Variants in DMD observed in about 807,000 individuals in gnomAD.
DMD encodes mutant dystrophin.
A neutral mutation model predicts 330.1 loss-of-function variants in DMD; 63 were observed. That is an observed-to-expected ratio of 0.19 (90% CI 0.16 to 0.24). The LOEUF is 0.24. Ranked by LOEUF, DMD falls within the 10% of genes least tolerant of loss-of-function variation. The probability of loss-of-function intolerance (pLI) is 1.00; values close to 1 mark genes in which losing one functional copy is unlikely to be tolerated. For missense variants in DMD, 3,344 were observed against 2,684.1 expected (o/e 1.25, Z -5.43); for synonymous variants, 1,223 against 959.8 (o/e 1.27, Z -5.07).
chrX:32,735,926 T>C (rs1475418165), intron 7 of DMD, among the ~76,000 whole-genome samples: 1 of 111,777 alleles, frequency 8.9e-6, no homozygotes, highest in Non-Finnish European at 1.9e-5. Flanking sequence ...GGGATCTCGT[T>C]AAACTAAAGA....
intron 17 of DMD, among the ~76,000 whole-genome samples, chrX:32,525,966 C>A (rs755580737): frequency 9.0e-6 from 1 of 111,681 alleles, no homozygotes; most frequent in Admixed American, 9.5e-5. Flanking sequence ...TCTAATAATT[C>A]TTTTTTCCCC....
At chrX:31,205,199 C>A (rs1252724753) in intron 66 of DMD, among the ~76,000 whole-genome samples, 1 of 111,241 alleles carries the variant, frequency 9.0e-6, no homozygotes, top group Non-Finnish European at 1.9e-5. Context: ...AGAAGTTGCC[C>A]CTCAAAAAAA....
rs139852201 is a variant in DMD, at chrX:32,739,760, T to G, written c.650-40467A>C. ...GAGCTTTTATACTTTAGGGCAGCAG[T>G]TCTCATAGTGTGGTTCTCAGACATC... On this transcript the variant is annotated intron_variant, in intron 7 of 78. Coordinates refer to ENST00000357033, the MANE Select transcript of DMD (RefSeq NM_004006.3). Among the ~76,000 whole-genome samples, 738 of 110,666 alleles carry G rather than the reference T, an allele frequency of 6.7e-3. 8 individuals carry two copies. Among genetic ancestry groups the G allele is most frequent in the African/African-American group, 0.023 (709 of 30,443 alleles).
At chrX:32,822,590 A>AGT (rs1355706887) in intron 5 of DMD, among the ~76,000 whole-genome samples, 3 of 110,036 alleles carry the variant, frequency 2.7e-5, no homozygotes, top group East Asian at 2.9e-4. Context: ...TGTGGATATG[A>AGT]GTGTGTATAT....
intron 7 of DMD, among the ~76,000 whole-genome samples, chrX:32,728,758 G>A: frequency 9.0e-6 from 1 of 111,261 alleles, no homozygotes; most frequent in Non-Finnish European, 1.9e-5. Flanking sequence ...TGAATCTCTT[G>A]GCTTCAGTGA....
intron 1 of DMD, among the ~76,000 whole-genome samples, chrX:33,035,019 G>A (rs1178978724): frequency 9.0e-6 from 1 of 111,448 alleles, no homozygotes; most frequent in Non-Finnish European, 1.9e-5. Context: ...AAAATTTTAT[G>A]AGTGTGTATA....
chrX:33,202,818 T>C (rs2051354948), intron 1 of DMD, among the ~76,000 whole-genome samples: 1 of 112,017 alleles, frequency 8.9e-6, no homozygotes, highest in African/African-American at 3.2e-5. Context: ...TACATATGTG[T>C]GTGTATCTGT....
chrX:33,321,735 T>C (rs1208979305), intron 1 of DMD, among the ~76,000 whole-genome samples: 1 of 112,382 alleles, frequency 8.9e-6, no homozygotes, highest in Non-Finnish European at 1.9e-5. Flanking sequence ...GGCATCTTCT[T>C]CAAATAGAAG....
chrX:32,132,993 C>CTTTTTTTTTTTTTTTTTTTTT (rs377615262), intron 44 of DMD, among the ~76,000 whole-genome samples: 7 of 76,010 alleles, frequency 9.2e-5, no homozygotes, highest in Admixed American at 3.4e-4. Context: ...CTTTTCTTTT[C>CTTTTTTTTTTTTTTTTTTTTT]TTTTTTTTTT....
intron 13 of DMD, among the ~76,000 whole-genome samples, chrX:32,577,593 G>A (rs1049144409): frequency 5.3e-5 from 6 of 112,275 alleles, no homozygotes; most frequent in Non-Finnish European, 9.4e-5. Context: ...TCAAATCTAA[G>A]AACTGCCAAG....
chrX:31,615,239 A>C (rs2078135210), intron 55 of DMD, among the ~76,000 whole-genome samples: 1 of 112,069 alleles, frequency 8.9e-6, no homozygotes, highest in African/African-American at 3.2e-5. Context: ...AGAAGTTCTG[A>C]AATTATGTGG....
At chrX:31,293,327 C>T (rs2053919583) in intron 62 of DMD, among the ~76,000 whole-genome samples, 1 of 107,967 alleles carries the variant, frequency 9.3e-6, no homozygotes, top group South Asian at 4.2e-4. Context: ...GTGATAATTG[C>T]ATTGAGCTGA....
At chrX:32,778,241 C>T (rs1404088130) in intron 7 of DMD, among the ~76,000 whole-genome samples, 1 of 86,054 alleles carries the variant, frequency 1.2e-5, no homozygotes, top group Non-Finnish European at 2.3e-5. Context: ...GTCAGATCCT[C>T]GCAAAAAAAA....
chrX:31,343,072 C>A (rs1399546928), intron 61 of DMD, among the ~76,000 whole-genome samples: 1 of 111,860 alleles, frequency 8.9e-6, no homozygotes, highest in Non-Finnish European at 1.9e-5. Context: ...GCCACCACGC[C>A]CAACAAATCT....
At chrX:33,063,548 C>A (rs1327716987) in intron 1 of DMD, among the ~76,000 whole-genome samples, 1 of 111,745 alleles carries the variant, frequency 8.9e-6, no homozygotes, top group East Asian at 2.8e-4. Flanking sequence ...GGGAGAACCA[C>A]TTCTGGAATT....
At chrX:31,685,858 G>C (rs948467401) in intron 52 of DMD, among the ~76,000 whole-genome samples, 5 of 112,392 alleles carry the variant, frequency 4.4e-5, no homozygotes, top group Non-Finnish European at 9.4e-5. Context: ...TGACAACTTT[G>C]AGGCATGTTT....
chrX:31,214,930 CTTTTTTCTTTTTTTT>C (rs2045198592), intron 64 of DMD, among the ~76,000 whole-genome samples: 1 of 46,136 alleles, frequency 2.2e-5, no homozygotes, highest in Admixed American at 3.1e-4. Flanking sequence ...TTTTTTATTT[CTTTTTTCTTTTTTTT>C]TTTTTTTTTT....
chrX:32,410,164 C>T (rs1490245927), intron 30 of DMD, among the ~76,000 whole-genome samples: 1 of 110,733 alleles, frequency 9.0e-6, no homozygotes, highest in African/African-American at 3.3e-5. Context: ...TATATCAAGA[C>T]AAATTAAAAA....
At chrX:33,312,194 G>A (rs147370310) in intron 1 of DMD, among the ~76,000 whole-genome samples, 1,449 of 110,583 alleles carry the variant, frequency 0.013, 11 homozygotes, top group Middle Eastern at 0.032. Context: ...AGAAAACACG[G>A]GTTTGAACTG....
Sources: gnomAD v4.1 joint callset for allele counts (sites outside exome capture counted in the v4.1 genomes callset) on GRCh38, gnomAD v4.1.1 for gene constraint, MANE v1.5 for transcripts, NCBI Gene and HGNC (gene_info 2026-07-23, HGNC 2026-07-21) for gene names.